The following LRRIQ1 variants were observed in gnomAD, a reference collection of about 807,000 sequenced individuals.
The protein encoded by LRRIQ1 is leucine-rich repeat- and IQ domain-containing protein 1.
A neutral mutation model predicts 211.9 loss-of-function variants in LRRIQ1; 210 were observed. That is an observed-to-expected ratio of 0.99 (90% CI 0.89 to 1.11). LRRIQ1 has a LOEUF of 1.11. Ranked by LOEUF, LRRIQ1 falls within the 50% of genes most tolerant of loss-of-function variation. The pLI is 0.00. For synonymous variants in LRRIQ1, 699 were observed against 650.1 expected (o/e 1.08, Z -1.14); for missense variants, 2,136 against 1,939.5 (o/e 1.10, Z -1.90).
chr12:85,221,528 A>G lies in LRRIQ1; in HGVS notation c.4823-7989A>G, dbSNP rs1009855898. Among the ~76,000 whole-genome samples the G allele has an allele frequency of 6.6e-5, 10 of 152,144 alleles. No individual in the cohort carries two copies. In the South Asian group the frequency reaches 1.2e-3, roughly 19 times the overall value. Reference sequence around the variant, plus strand: ...CTATACAGTTCTTTGGAATGAGTATACCTAACCTAATTTAAATAAGGAATG... The same window carrying G: ...CTATACAGTTCTTTGGAATGAGTATGCCTAACCTAATTTAAATAAGGAATG... On this transcript the variant is annotated intron_variant, in intron 24 of 26. Transcript: ENST00000393217.
Position 85,199,049 on chromosome 12 carries a change from C to T in LRRIQ1, c.4823-30468C>T, listed in dbSNP as rs975751013. Among the ~76,000 whole-genome samples, 8 of 152,052 alleles carry T rather than the reference C, an allele frequency of 5.3e-5. No homozygotes were observed. In the East Asian group the frequency reaches 9.6e-4, roughly 18 times the overall value. Reference sequence around the variant, plus strand: ...GGCACAGTTGGCAAGTATTTTCTCCCGTTCTGTAAGTTGTCTGTTTACTCC... The same window carrying T: ...GGCACAGTTGGCAAGTATTTTCTCCTGTTCTGTAAGTTGTCTGTTTACTCC... On this transcript the variant is annotated intron_variant, in intron 24 of 26. Transcript: ENST00000393217.
intron 26 of LRRIQ1, among the ~76,000 whole-genome samples, chr12:85,239,575 G>A (rs931998837): frequency 4.0e-5 from 6 of 151,814 alleles, no homozygotes; most frequent in Non-Finnish European, 7.4e-5. Context: ...CATAGTGCTG[G>A]ACAACTAGAT....
chr12:85,056,046 A>G lies in LRRIQ1; in HGVS notation c.1253A>G (p.Asp418Gly), dbSNP rs777722598. The change falls in exon 8 of 27, where the codon GAT (aspartate) becomes GGT (glycine). Residue 418 changes from aspartate to glycine, a missense_variant. Transcript: ENST00000393217. The part of the protein sequence containing the change: ...KHLSLEDISN[D>G]KGDIAKNLVD... ...TTAAGTCTTGAAGATATTTCAAATG[A>G]TAAGGGTGATATAGCCAAAAATCTA... 1.2e-5 allele frequency: 19 copies of G among 1,601,610 alleles called. No individual in the cohort carries two copies. Among genetic ancestry groups the G allele is most frequent in the African/African-American group, 6.8e-5 (5 of 74,026 alleles).
intron 24 of LRRIQ1, among the ~76,000 whole-genome samples, chr12:85,200,469 G>C (rs1380335674): frequency 1.3e-5 from 2 of 152,066 alleles, no homozygotes; most frequent in Non-Finnish European, 2.9e-5. Flanking sequence ...TTGCCTGATT[G>C]CCCTGACCAT....
chr12:85,101,681 T>G (rs147823444), intron 13 of LRRIQ1, among the ~76,000 whole-genome samples: 2 of 151,904 alleles, frequency 1.3e-5, no homozygotes, highest in African/African-American at 4.8e-5. Context: ...TCCTAATGAA[T>G]AGTTATAAAG....
intron 1 of LRRIQ1, among the ~76,000 whole-genome samples, chr12:85,250,869 ATATAT>A (rs1281776897): frequency 1.1e-3 from 71 of 67,158 alleles, no homozygotes; most frequent in African/African-American, 3.3e-3. Context: ...ATTATAGATT[ATATAT>A]TATATTATAT....
chr12:85,161,899 G>A (rs926386121), intron 24 of LRRIQ1, among the ~76,000 whole-genome samples: 3 of 152,014 alleles, frequency 2.0e-5, no homozygotes, highest in Non-Finnish European at 4.4e-5. Flanking sequence ...AATTAGCCGG[G>A]CGTGGTGGTG....
At chr12:85,208,348 CACTTAAAA>C (rs1893668736) in intron 24 of LRRIQ1, among the ~76,000 whole-genome samples, 1 of 152,046 alleles carries the variant, frequency 6.6e-6, no homozygotes, top group African/African-American at 2.4e-5. Flanking sequence ...TGCCAAAAAG[CACTTAAAA>C]AGCTTTCTGA....
At chr12:85,212,917 T>C (rs539347674) in intron 24 of LRRIQ1, among the ~76,000 whole-genome samples, 1 of 150,748 alleles carries the variant, frequency 6.6e-6, no homozygotes, top group South Asian at 2.1e-4. Flanking sequence ...AAAGAAGTAC[T>C]CTATCGAATA....
Position 85,121,718 on chromosome 12 carries a change from G to A in LRRIQ1, c.3399G>A (p.Leu1133=). The change falls in exon 16 of 27, where the codon TTG becomes TTA. Residue 1133 remains leucine, a synonymous_variant. Transcript: ENST00000393217. ...TNWRDSLLKV[L]PALRILNGNI... ...ATAGGGATTCTCTACTTAAAGTGTT[G>A]CCTGCTCTGAGAATCCTCAATGGCA... The A allele has an allele frequency of 6.3e-7, 1 of 1,589,444 alleles. No individual in the cohort carries two copies. The highest frequency in any genetic ancestry group is 8.6e-7 in the Non-Finnish European group (1 of 1,169,414).
intron 24 of LRRIQ1, among the ~76,000 whole-genome samples, chr12:85,186,085 T>C (rs1047857854): frequency 1.3e-5 from 2 of 152,082 alleles, no homozygotes; most frequent in Admixed American, 6.6e-5. Context: ...ATAATAAAAA[T>C]GCAATTAAGT....
intron 24 of LRRIQ1, among the ~76,000 whole-genome samples, chr12:85,216,553 A>G (rs1377171592): frequency 6.6e-6 from 1 of 151,056 alleles, no homozygotes; most frequent in African/African-American, 2.4e-5. Flanking sequence ...CTTGCAATTG[A>G]ATATACACAT....
intron 24 of LRRIQ1, among the ~76,000 whole-genome samples, chr12:85,227,626 C>G (rs927128105): frequency 2.6e-5 from 4 of 152,206 alleles, no homozygotes; most frequent in Admixed American, 2.0e-4. Flanking sequence ...AATGCCATCC[C>G]CATCAAGCTA....
chr12:85,117,458 A>C (rs1887664571), intron 15 of LRRIQ1, among the ~76,000 whole-genome samples: 1 of 152,232 alleles, frequency 6.6e-6, no homozygotes, highest in Non-Finnish European at 1.5e-5. Flanking sequence ...TACAACTTAA[A>C]AAAGAAAATC....
chr12:85,211,753 C>G (rs1263583849), intron 24 of LRRIQ1, among the ~76,000 whole-genome samples: 4 of 152,082 alleles, frequency 2.6e-5, no homozygotes, highest in Non-Finnish European at 5.9e-5. Flanking sequence ...CCTCTTAGTA[C>G]AGTTTCCTCT....
chr12:85,082,804 C>T (rs1592759475), intron 11 of LRRIQ1, among the ~76,000 whole-genome samples: 1 of 151,982 alleles, frequency 6.6e-6, no homozygotes, highest in South Asian at 2.1e-4. Context: ...GTTTGGTTTT[C>T]TTGTTTATTG....
intron 15 of LRRIQ1, among the ~76,000 whole-genome samples, chr12:85,118,052 T>G (rs1887704039): frequency 6.6e-6 from 1 of 152,172 alleles, no homozygotes; most frequent in Non-Finnish European, 1.5e-5. Flanking sequence ...AAAGCCCTGG[T>G]CAAAGATTAT....
chr12:85,040,058 C>T (rs1336830899), intron 2 of LRRIQ1, among the ~76,000 whole-genome samples: 2 of 151,364 alleles, frequency 1.3e-5, no homozygotes, highest in Admixed American at 6.6e-5. Flanking sequence ...ATGATAATCA[C>T]AAAGCCAGTT....
At chr12:85,179,469 G>T (rs1891876219) in intron 24 of LRRIQ1, among the ~76,000 whole-genome samples, 1 of 151,930 alleles carries the variant, frequency 6.6e-6, no homozygotes, top group South Asian at 2.1e-4. Flanking sequence ...ACAATATTGT[G>T]ATTATAATAT....
Sources: gnomAD v4.1 joint callset for allele counts (sites outside exome capture counted in the v4.1 genomes callset) on GRCh38, gnomAD v4.1.1 for gene constraint, MANE v1.5 for transcripts, NCBI Gene and HGNC (gene_info 2026-07-23, HGNC 2026-07-21) for gene names.